The following PARD3B variants were observed in gnomAD, a reference collection of about 807,000 sequenced individuals.
The protein encoded by PARD3B is par-3 family cell polarity regulator beta.
Under a neutral mutation model 130.2 loss-of-function variants are expected in PARD3B, and 103 were observed. That is an observed-to-expected ratio of 0.79 (90% CI 0.67 to 0.93). The LOEUF (loss-of-function observed/expected upper bound fraction) is 0.93, where lower values mean the gene tolerates loss of function less well. Ranked by LOEUF, PARD3B falls within the 40% of genes least tolerant of loss-of-function variation. The pLI is 0.00. For missense variants in PARD3B, 1,609 were observed against 1,499.2 expected, an observed-to-expected ratio of 1.07 and a Z score of -1.21; for synonymous variants, 583 against 553.2, an observed-to-expected ratio of 1.05 and a Z score of -0.76.
chr2:205,239,440 C>T (rs2039252512), intron 15 of PARD3B, among the ~76,000 whole-genome samples: 1 of 152,086 alleles, frequency 6.6e-6, no homozygotes. Context: ...TTTGTATCTC[C>T]TCATTAGACC....
intron 1 of PARD3B, among the ~76,000 whole-genome samples, chr2:204,661,761 A>G (rs2125184626): frequency 6.6e-6 from 1 of 152,338 alleles, no homozygotes; most frequent in Middle Eastern, 3.4e-3. Context: ...ACTATCTTCT[A>G]AGAACAAAAA....
chr2:205,270,776 CA>C (rs1344917703), intron 16 of PARD3B, among the ~76,000 whole-genome samples: 1 of 151,906 alleles, frequency 6.6e-6, no homozygotes, highest in Non-Finnish European at 1.5e-5. Context: ...TAGATCTAGG[CA>C]AAACAGGAAG....
chr2:205,180,304 G>A (rs1349756010), intron 13 of PARD3B, among the ~76,000 whole-genome samples: 1 of 151,528 alleles, frequency 6.6e-6, no homozygotes, highest in Non-Finnish European at 1.5e-5. Context: ...TATTGATTTA[G>A]AGACCAAAAA....
intron 3 of PARD3B, among the ~76,000 whole-genome samples, chr2:205,014,859 G>A (rs1394214787): frequency 1.3e-5 from 2 of 152,180 alleles, no homozygotes; most frequent in Admixed American, 1.3e-4. Context: ...TTAAGCTGAG[G>A]ACATTTAAGG....
At chr2:205,500,130 A>G in intron 21 of PARD3B, 99 bp downstream of exon 21, 6 of 1,354,374 alleles carry the variant, frequency 4.4e-6, no homozygotes, top group East Asian at 2.4e-5. Context: ...ACCAGATTCT[A>G]TTTAGGTTTC....
chr2:205,047,166 G>A (rs943087927), intron 3 of PARD3B, among the ~76,000 whole-genome samples: 11 of 152,168 alleles, frequency 7.2e-5, no homozygotes, highest in African/African-American at 2.7e-4. Context: ...AGCACCAAAT[G>A]GCAGTAATAA....
chr2:204,632,288 C>T (rs774097219), intron 1 of PARD3B, among the ~76,000 whole-genome samples: 1 of 152,092 alleles, frequency 6.6e-6, no homozygotes, highest in Non-Finnish European at 1.5e-5. Context: ...GTGGAATTGT[C>T]AGTCAATTAA....
At chr2:204,761,366 C>T (rs2040890052) in intron 2 of PARD3B, among the ~76,000 whole-genome samples, 1 of 152,070 alleles carries the variant, frequency 6.6e-6, no homozygotes, top group Non-Finnish European at 1.5e-5. Context: ...AGTTTCCTTG[C>T]TGAAAGAGTA....
At chr2:204,724,989 C>A (rs914817179) in intron 2 of PARD3B, among the ~76,000 whole-genome samples, 1 of 151,988 alleles carries the variant, frequency 6.6e-6, no homozygotes, top group Admixed American at 6.6e-5. Context: ...AATAGGGAAG[C>A]GGCTTAATGT....
At chr2:204,681,030 C>T (rs1455868690) in intron 1 of PARD3B, among the ~76,000 whole-genome samples, 11 of 152,222 alleles carry the variant, frequency 7.2e-5, no homozygotes, top group African/African-American at 2.2e-4. Flanking sequence ...CCTATCAAGT[C>T]TCCCAATTCA....
intron 2 of PARD3B, among the ~76,000 whole-genome samples, chr2:204,714,722 T>C (rs1396133887): frequency 6.6e-6 from 1 of 152,230 alleles, no homozygotes; most frequent in Non-Finnish European, 1.5e-5. Flanking sequence ...TCAAATCATA[T>C]GAAATTAAAG....
At position 205,568,092 on chromosome 2, in the gene PARD3B, A is replaced by C. The variant is rs1458943216; in HGVS notation, c.3260+14689A>C. On this transcript the variant is annotated intron_variant, in intron 22 of 22. Coordinates refer to ENST00000406610, the MANE Select transcript of PARD3B (RefSeq NM_001302769.2). This position sits in a 1 kb window ranked among gnomAD's most constrained non-coding sequence, Gnocchi z 5.3. ...ACAGAAGCCTCAAGCCAGGCAGCAC[A>C]GATGCTTGGATAAGGACCGTAGTGG... is the stretch of plus-strand genomic sequence containing the variant. 6.6e-6 allele frequency among the ~76,000 whole-genome samples: 1 copy of C among 152,192 alleles called. No individual in the cohort carries two copies. Among genetic ancestry groups the C allele is most frequent in the East Asian group, 1.9e-4 (1 of 5,192 alleles).
At chr2:204,572,139 A>C (rs983560859) in intron 1 of PARD3B, among the ~76,000 whole-genome samples, 1 of 152,232 alleles carries the variant, frequency 6.6e-6, no homozygotes, top group South Asian at 2.1e-4. Context: ...GGTCAGTTAC[A>C]TAGAGAACAA....
chr2:204,763,985 TG>T (rs2041020364), intron 2 of PARD3B, among the ~76,000 whole-genome samples: 1 of 152,182 alleles, frequency 6.6e-6, no homozygotes, highest in African/African-American at 2.4e-5. Context: ...TTCTTTTTTG[TG>T]GAATTGTAGC....
At chr2:204,643,137 T>G (rs1235443849) in intron 1 of PARD3B, among the ~76,000 whole-genome samples, 12 of 29,796 alleles carry the variant, frequency 4.0e-4, no homozygotes, top group Admixed American at 7.6e-4. Context: ...AAAAAAAAAA[T>G]GTTTGGCACC....
At chr2:204,773,880 C>A (rs755086386) in intron 2 of PARD3B, among the ~76,000 whole-genome samples, 1 of 152,052 alleles carries the variant, frequency 6.6e-6, no homozygotes, top group Non-Finnish European at 1.5e-5. Flanking sequence ...TGCTCAGAAC[C>A]ATTTAATGAT....
chr2:205,368,036 G>A (rs2105899422), intron 18 of PARD3B, among the ~76,000 whole-genome samples: 2 of 152,318 alleles, frequency 1.3e-5, no homozygotes, highest in South Asian at 4.1e-4. Context: ...TCAACACTCT[G>A]GGATTTGCCA....
chr2:205,458,369 C>T lies in PARD3B; in HGVS notation c.3044+17697C>T, dbSNP rs57580917. ...GATCCAATAAAGCAAAAATATTTGA[C>T]CTTTCTGTACATGCGTCTTGCTCTC... is the stretch of plus-strand genomic sequence containing the variant. On this transcript the variant is annotated intron_variant, in intron 20 of 22. Coordinates refer to ENST00000406610, the MANE Select transcript of PARD3B (RefSeq NM_001302769.2). The surrounding 1 kb of genome is among the most constrained non-coding windows in gnomAD (Gnocchi z 4.8). Among the ~76,000 whole-genome samples the T allele has an allele frequency of 0.054, 8,138 of 152,002 alleles. 670 individuals are homozygous for T. Among genetic ancestry groups the T allele is most frequent in the African/African-American group, 0.18 (7,324 of 41,438 alleles).
Position 205,440,304 on chromosome 2 carries a change from G to A in PARD3B, c.2742-66G>A. The A allele has an allele frequency of 6.8e-7, 1 of 1,460,050 alleles. No individual in the cohort carries two copies. Among genetic ancestry groups the A allele is most frequent in the Non-Finnish European group, 9.5e-7 (1 of 1,057,134 alleles). 90.4% of individuals were successfully genotyped at this position (1,460,050 alleles called of 1,614,324 possible). A position where few individuals can be genotyped will look rare whatever the true frequency, so the allele number is the denominator to read the frequency against. On this transcript the variant is annotated intron_variant, in intron 19 of 22. Transcript: ENST00000406610. The surrounding 1 kb of genome is among the most constrained non-coding windows in gnomAD (Gnocchi z 4.2). ...AGGAAGAGTTAACATAAATTCAAGA[G>A]AGTATTTCATTGTATTATTATATGA...
Sources: allele counts gnomAD v4.1 joint callset (sites outside exome capture counted in the v4.1 genomes callset), GRCh38; gene constraint gnomAD v4.1.1; non-coding constraint Gnocchi (gnomAD v3.1); transcripts MANE v1.5; gene names NCBI Gene and HGNC (gene_info 2026-07-23, HGNC 2026-07-21).